The following CFAP221 variants were observed in gnomAD, a reference collection of about 807,000 sequenced individuals.
CFAP221 encodes the protein cilia- and flagella-associated protein 221.
A neutral mutation model predicts 113.1 loss-of-function variants in CFAP221; 97 were observed. The ratio of observed to expected loss-of-function variants is 0.86; its 90% CI spans 0.73 to 1.02. The LOEUF (loss-of-function observed/expected upper bound fraction) is 1.02, where lower values mean the gene tolerates loss of function less well. CFAP221 is among the 50% of genes least tolerant of loss of function. CFAP221 has a pLI of 0.00. For synonymous variants in CFAP221, 331 were observed against 354.4 expected (o/e 0.93, Z 0.74); for missense variants, 1,025 against 1,013.4 (o/e 1.01, Z -0.16).
At chr2:119,633,994 G>C (rs1234651314) in intron 19 of CFAP221, among the ~76,000 whole-genome samples, 2 of 152,330 alleles carry the variant, frequency 1.3e-5, no homozygotes, top group African/African-American at 4.8e-5. Flanking sequence ...TATAGTCCTA[G>C]CTACTTGGGA....
chr2:119,640,901 G>A (rs1687446159), intron 21 of CFAP221, among the ~76,000 whole-genome samples: 1 of 152,204 alleles, frequency 6.6e-6, no homozygotes, highest in Admixed American at 6.5e-5. Flanking sequence ...CAGTCCTCTT[G>A]TCAGTAAGAC....
At chr2:119,638,102 C>A in intron 19 of CFAP221, 157 bp from the exon 20 acceptor site, 1 of 609,154 alleles carries the variant, frequency 1.6e-6, no homozygotes, top group East Asian at 3.0e-5. Context: ...CTTGAAGACA[C>A]CTCTGCTCTC....
At chr2:119,653,501 A>G (rs1688249318) in intron 23 of CFAP221, among the ~76,000 whole-genome samples, 1 of 152,220 alleles carries the variant, frequency 6.6e-6, no homozygotes, top group African/African-American at 2.4e-5. Flanking sequence ...ATACTTATAA[A>G]TATACATATG....
intron 6 of CFAP221, chr2:119,572,613 C>A (rs573831041): frequency 2.9e-6 from 2 of 696,634 alleles, no homozygotes; most frequent in Non-Finnish European, 5.2e-6. Context: ...TGACCAGTTG[C>A]TCTCCCATCA....
At chr2:119,619,802 G>A (rs1685777907) in intron 14 of CFAP221, among the ~76,000 whole-genome samples, 1 of 152,032 alleles carries the variant, frequency 6.6e-6, no homozygotes, top group Non-Finnish European at 1.5e-5. Context: ...CAAGCTAAAG[G>A]AGCATGTACC....
intron 23 of CFAP221, among the ~76,000 whole-genome samples, chr2:119,653,226 C>A (rs1688232035): frequency 6.6e-6 from 1 of 151,244 alleles, no homozygotes; most frequent in Non-Finnish European, 1.5e-5. Context: ...ACTAAAAATA[C>A]AAAAATTAGC....
chr2:119,627,439 T>C (rs566446368), intron 15 of CFAP221, among the ~76,000 whole-genome samples: 1 of 152,076 alleles, frequency 6.6e-6, no homozygotes, highest in African/African-American at 2.4e-5. Context: ...TTATGAATTA[T>C]AGTTTTTTGG....
At chr2:119,549,884 C>T (rs138935321) in intron 3 of CFAP221, among the ~76,000 whole-genome samples, 2,690 of 152,360 alleles carry the variant, frequency 0.018, 31 homozygotes, top group Non-Finnish European at 0.025. Context: ...CAGAGCCACA[C>T]TGAGGCCCAA....
chr2:119,557,329 G>A (rs1257176041), intron 3 of CFAP221: 2 of 152,232 alleles, frequency 1.3e-5, no homozygotes, highest in Admixed American at 6.5e-5. Flanking sequence ...CTAGCAAGCA[G>A]GCAAAAAGAT....
In CFAP221 at chr2:119,598,564, T is replaced by G. The variant is rs186501550; in HGVS notation, c.632-2654T>G. On this transcript the variant is annotated intron_variant, in intron 7 of 23. Transcript: ENST00000413369. ...GGGTGGTGATCTGAAATTGACCAGATGAAATTGGCCTGGAGCATAAGAGAG... is the reference window on the plus strand; with the variant it reads ...GGGTGGTGATCTGAAATTGACCAGAGGAAATTGGCCTGGAGCATAAGAGAG... 1.2e-3 allele frequency among the ~76,000 whole-genome samples: 183 copies of G among 152,364 alleles called. 1 individual carries two copies. The highest frequency in any genetic ancestry group is 0.01 in the East Asian group (52 of 5,186).
At chr2:119,611,829 T>C in intron 13 of CFAP221, 87 bp downstream of exon 13, 4 of 982,742 alleles carry the variant, frequency 4.1e-6, no homozygotes, top group Non-Finnish European at 6.3e-6. Flanking sequence ...TTTATAGAAA[T>C]CCTTTACCAA....
intron 7 of CFAP221, among the ~76,000 whole-genome samples, chr2:119,600,648 C>T (rs1684299415): frequency 6.6e-6 from 1 of 152,172 alleles, no homozygotes; most frequent in South Asian, 2.1e-4. Flanking sequence ...TGTGTTTGTG[C>T]TTAGCATGGG....
At chr2:119,566,051 CTAA>C (rs749419250) in intron 6 of CFAP221, among the ~76,000 whole-genome samples, 3 of 152,136 alleles carry the variant, frequency 2.0e-5, no homozygotes, top group Non-Finnish European at 4.4e-5. Flanking sequence ...GTTTCCATTC[CTAA>C]TTCAGTGTAT....
intron 6 of CFAP221, among the ~76,000 whole-genome samples, chr2:119,574,236 TTGTA>T (rs2104578158): frequency 6.6e-6 from 1 of 152,100 alleles, no homozygotes; most frequent in Non-Finnish European, 1.5e-5. Flanking sequence ...GAGCAGATGA[TTGTA>T]TGTACCAGGG....
At chr2:119,630,505 T>G in intron 17 of CFAP221, 65 bp from the exon 18 acceptor site, 16 of 1,243,816 alleles carry the variant, frequency 1.3e-5, no homozygotes, top group East Asian at 2.3e-5. Context: ...ATGCTGTTGT[T>G]GAGAAGTAGA....
intron 22 of CFAP221, chr2:119,648,572 C>T (rs143558120): frequency 9.9e-5 from 18 of 182,706 alleles, no homozygotes; most frequent in East Asian, 8.9e-4. Context: ...CCTCCCTACC[C>T]GCTATTTCCT....
Position 119,652,026 on chromosome 2 carries a change from G to T in CFAP221, c.2371G>T (p.Val791Leu), listed in dbSNP as rs1383190841. ...EVMLTPEMIK[V>L]EFPMLNYKDI... ...TATGTTGACTCCAGAAATGATCAAA[G>T]TGGAATTCCCTATGTTGAACTACAA... The change falls in exon 23 of 24, where the codon GTG becomes TTG. Residue 791 changes from valine to leucine, a missense_variant. By Grantham distance (32) the Val-to-Leu change is conservative (BLOSUM62 1). Transcript: ENST00000413369. 6.2e-7 allele frequency: 1 copy of T among 1,613,584 alleles called. No homozygotes were observed. Among genetic ancestry groups the T allele is most frequent in the Non-Finnish European group, 8.5e-7 (1 of 1,179,744 alleles).
At position 119,645,526 on chromosome 2, in the gene CFAP221, T is replaced by A. The variant is rs74653445; in HGVS notation, c.2226-1432T>A. Among the ~76,000 whole-genome samples, 48 of 152,044 alleles carry A rather than the reference T, an allele frequency of 3.2e-4. No individual in the cohort carries two copies. The East Asian group carries it at 8.7e-3, about 28-fold the overall frequency. ...ACTTACTATCTCCAGAAAGTCATTC[T>A]ATATCAGCTCACAGATGCTTTCCTC... On this transcript the variant is annotated intron_variant, in intron 21 of 23. Coordinates refer to ENST00000413369, the MANE Select transcript of CFAP221 (RefSeq NM_001271049.2).
chr2:119,587,200 C>T lies in CFAP221; in HGVS notation c.609C>T (p.Ala203=), dbSNP rs1263188705. The change falls in exon 7 of 24, where the codon GCC becomes GCT. Residue 203 remains alanine, a synonymous_variant. Transcript: ENST00000413369. ...TCACCTTGATTCAGTCTCATCAAGC[C>T]TTTGCTATTGAGCCAACATCAGGTA... ...FYITLIQSHQ[A]FAIEPTSGII... The T allele has an allele frequency of 6.5e-7, 1 of 1,529,936 alleles. No homozygotes were observed. The highest frequency in any genetic ancestry group is 2.0e-5 in the Admixed American group (1 of 50,396). 94.8% of individuals were successfully genotyped at this position (1,529,936 alleles called of 1,614,324 possible). A position where few individuals can be genotyped will look rare whatever the true frequency, so the allele number is the denominator to read the frequency against.
Sources: gnomAD v4.1 joint callset for allele counts (sites outside exome capture counted in the v4.1 genomes callset) on GRCh38, gnomAD v4.1.1 for gene constraint, MANE v1.5 for transcripts, NCBI Gene and HGNC (gene_info 2026-07-23, HGNC 2026-07-21) for gene names.